Variants in LIG1 observed in about 807,000 individuals in gnomAD.
LIG1 encodes the protein ligase I, DNA, ATP-dependent.
In LIG1, 70 loss-of-function variants were observed where a neutral mutation model predicts 115.7. The observed-to-expected ratio is 0.60, with a 90% CI of 0.50 to 0.74. LIG1 has a LOEUF of 0.74. LIG1 is among the 30% of genes least tolerant of loss of function. LIG1 has a pLI of 0.00. For synonymous variants in LIG1, 487 were observed against 495.3 expected, an observed-to-expected ratio of 0.98 and a Z score of 0.22; for missense variants, 1,115 against 1,225.6, an observed-to-expected ratio of 0.91 and a Z score of 1.35.
chr19:48,153,103 G>T (rs1290313538), intron 6 of LIG1, among the ~76,000 whole-genome samples: 1 of 150,862 alleles, frequency 6.6e-6, no homozygotes, highest in African/African-American at 2.4e-5. Flanking sequence ...GCTGAGGTGG[G>T]AGAATCGCTT....
Position 48,137,118 on chromosome 19 carries a change from G to C in LIG1, c.1255-34C>G. 2 of 1,536,614 alleles carry C rather than the reference G, an allele frequency of 1.3e-6. No individual in the cohort carries two copies. Among genetic ancestry groups the C allele is most frequent in the Non-Finnish European group, 1.8e-6 (2 of 1,114,148 alleles). The stretch of plus-strand genomic sequence containing the variant: ...TCAGGGGAAGAGCCGTCAGTGCCTG[G>C]TGAAGGCAGGGACCACACCTCCACC... On this transcript the variant is annotated intron_variant, in intron 13 of 27. Transcript: ENST00000263274. The surrounding 1 kb of genome is among the most constrained non-coding windows in gnomAD (Gnocchi z 4.3).
chr19:48,132,156 T>A (rs993343008), intron 18 of LIG1, among the ~76,000 whole-genome samples: 4 of 152,092 alleles, frequency 2.6e-5, no homozygotes, highest in Admixed American at 2.6e-4. Context: ...CAGGCTGGTC[T>A]CCTCAGGGGT....
At position 48,119,085 on chromosome 19, in the gene LIG1, C is replaced by T. The variant is rs371056575; in HGVS notation, c.2439+52G>A. On this transcript the variant is annotated intron_variant, in intron 25 of 27. Transcript: ENST00000263274. ...GCCCTGCATGGAAGGACTGTGCTGTCAGGGGCAGGGGGGAGAGGGGTGGAG... is the reference window on the plus strand; with the variant it reads ...GCCCTGCATGGAAGGACTGTGCTGTTAGGGGCAGGGGGGAGAGGGGTGGAG... The T allele has an allele frequency of 4.6e-5, 66 of 1,432,576 alleles. No homozygotes were observed. The African/African-American group carries it at 8.4e-4, about 18-fold the overall frequency. 88.7% of individuals were successfully genotyped at this position (1,432,576 alleles called of 1,614,324 possible).
intron 11 of LIG1, among the ~76,000 whole-genome samples, chr19:48,141,761 C>T (rs1158256742): frequency 2.0e-5 from 3 of 152,154 alleles, no homozygotes; most frequent in Non-Finnish European, 4.4e-5. Flanking sequence ...GTCTCATTAC[C>T]GAGGTTTTTA....
intron 2 of LIG1, 21 bp from the exon 3 acceptor site, chr19:48,162,372 G>GT (rs978891656): frequency 3.3e-5 from 52 of 1,562,796 alleles, no homozygotes; most frequent in Non-Finnish European, 4.3e-5. Flanking sequence ...ATAAAAGGGG[G>GT]TAAAAAAAGG....
chr19:48,135,891 G>GCCGCC, intron 15 of LIG1, 112 bp from the exon 16 acceptor site: 1 of 928,764 alleles, frequency 1.1e-6, no homozygotes, highest in Non-Finnish European at 1.7e-6. Flanking sequence ...GGCCCAAGAC[G>GCCGCC]CCCCCTCCCC....
At chr19:48,167,516 A>G (rs1408580072) in intron 1 of LIG1, among the ~76,000 whole-genome samples, 1 of 152,070 alleles carries the variant, frequency 6.6e-6, no homozygotes, top group Non-Finnish European at 1.5e-5. Context: ...CCACAACTCA[A>G]ACTCAATTTT....
intron 9 of LIG1, among the ~76,000 whole-genome samples, chr19:48,144,267 G>A (rs2034974450): frequency 6.6e-6 from 1 of 152,180 alleles, no homozygotes; most frequent in African/African-American, 2.4e-5. Flanking sequence ...GGGAAGGCCG[G>A]AGACATCTGG....
At chr19:48,119,091 CA>C in intron 25 of LIG1, 45 bp downstream of exon 25, 1 of 1,471,610 alleles carries the variant, frequency 6.8e-7, no homozygotes, top group African/African-American at 1.4e-5. Flanking sequence ...CTGTCAGGGG[CA>C]GGGGGGAGAG....
At chr19:48,155,530 A>C (rs2035779071) in intron 5 of LIG1, among the ~76,000 whole-genome samples, 1 of 151,902 alleles carries the variant, frequency 6.6e-6, no homozygotes, top group Admixed American at 6.6e-5. Flanking sequence ...GGGCTGCTTG[A>C]CTTCTGAGCT....
intron 4 of LIG1, among the ~76,000 whole-genome samples, chr19:48,160,069 T>G (rs2036085763): frequency 6.6e-6 from 1 of 152,178 alleles, no homozygotes. Context: ...AAAAGGCAAT[T>G]CCTGGATTCT....
intron 18 of LIG1, 95 bp downstream of exon 18, chr19:48,132,887 C>T (rs993057300): frequency 2.4e-5 from 21 of 888,342 alleles, no homozygotes; most frequent in African/African-American, 1.8e-4. Context: ...CAGTCTGTGG[C>T]GCAGGCCGGC....
intron 2 of LIG1, among the ~76,000 whole-genome samples, chr19:48,163,363 A>G (rs940834810): frequency 1.3e-5 from 2 of 152,074 alleles, no homozygotes; most frequent in African/African-American, 4.8e-5. Context: ...CTGAGATTAC[A>G]GGTGGCCGCC....
chr19:48,154,056 G>C, intron 5 of LIG1, 89 bp from the exon 6 acceptor site: 2 of 1,087,074 alleles, frequency 1.8e-6, no homozygotes, highest in Non-Finnish European at 2.8e-6. Context: ...GTAGCCTCTG[G>C]AAGGCTCTGG....
intron 1 of LIG1, among the ~76,000 whole-genome samples, chr19:48,168,907 G>T (rs1025906770): frequency 1.3e-5 from 2 of 151,950 alleles, no homozygotes; most frequent in African/African-American, 4.8e-5. Flanking sequence ...ATTTTAAATG[G>T]GCAAAATTGT....
chr19:48,127,038 G>C, intron 21 of LIG1: 1 of 507,428 alleles, frequency 2.0e-6, no homozygotes, highest in African/African-American at 2.9e-5. Context: ...CAGGACCTGA[G>C]GAAGATCCAC....
chr19:48,121,849 A>G (rs1237922145), intron 23 of LIG1, among the ~76,000 whole-genome samples: 1 of 152,184 alleles, frequency 6.6e-6, no homozygotes, highest in Admixed American at 6.5e-5. Context: ...CGCAGGCGGG[A>G]TCGATGGGAC....
intron 2 of LIG1, among the ~76,000 whole-genome samples, chr19:48,163,506 C>T (rs982157201): frequency 6.6e-6 from 1 of 151,892 alleles, no homozygotes; most frequent in Admixed American, 6.6e-5. Flanking sequence ...TGAGCCACTG[C>T]GCCCGGCCTA....
In LIG1 at chr19:48,137,671, C is replaced by T. The variant is rs3730966; in HGVS notation, c.1105G>A (p.Val369Ile). The change falls in exon 13 of 28, where the codon GTC becomes ATC. Residue 369 changes from valine (V) to isoleucine (I), a missense_variant. Val to Ile is a conservative substitution (Grantham distance 29). Transcript: ENST00000263274. The surrounding 1 kb of genome is among the most constrained non-coding windows in gnomAD (Gnocchi z 4.3). ...AQATGRQLES[V>I]RAEAAEKGDV... ...CCTTTCTCGGCTGCCTCAGCCCGGA[C>T]GGACTCCAGCTGCCGACCTTCAGGG... 1,141 of 1,604,372 alleles carry T rather than the reference C, an allele frequency of 7.1e-4. 15 individuals carry two copies. In the Admixed American group the frequency reaches 0.017, roughly 24 times the overall value.
Sources: gnomAD v4.1 joint callset for allele counts (sites outside exome capture counted in the v4.1 genomes callset) on GRCh38, gnomAD v4.1.1 for gene constraint, Gnocchi (gnomAD v3.1) non-coding constraint, MANE v1.5 for transcripts, NCBI Gene and HGNC (gene_info 2026-07-23, HGNC 2026-07-21) for gene names.